IKBKB: variants seen among roughly 807,000 people sequenced by gnomAD.
IKBKB encodes inhibitor of nuclear factor kappa B kinase subunit beta.
In IKBKB, 42 loss-of-function variants were observed where a neutral mutation model predicts 113.6. That is an observed-to-expected ratio of 0.37 (90% CI 0.29 to 0.48). The LOEUF (loss-of-function observed/expected upper bound fraction) is 0.48, where lower values mean the gene tolerates loss of function less well. IKBKB is among the 20% of genes least tolerant of loss of function. IKBKB has a pLI of 0.99. For synonymous variants in IKBKB, 296 were observed against 361.3 expected, an observed-to-expected ratio of 0.82 and a Z score of 2.05; for missense variants, 673 against 939.7, an observed-to-expected ratio of 0.72 and a Z score of 3.71.
intron 2 of IKBKB, among the ~76,000 whole-genome samples, chr8:42,277,180 A>ATT (rs751878075): frequency 1.2e-4 from 10 of 84,904 alleles, no homozygotes; most frequent in East Asian, 3.3e-4. Context: ...CGTGTGGCTA[A>ATT]TTTTTTTTTT....
chr8:42,330,907 C>T lies in IKBKB; in HGVS notation c.2206-7C>T. The T allele has an allele frequency of 6.2e-7, 1 of 1,614,216 alleles. No individual in the cohort carries two copies. The stretch of plus-strand genomic sequence containing the variant: ...GTTGTTTTTTTAACATGTCTGTTGA[C>T]TTTCAGGCCCTAGACTGGAGCTGGT... On this transcript the variant is annotated splice_polypyrimidine_tract_variant and splice_region_variant and intron_variant, in intron 21 of 21. Coordinates refer to ENST00000520810, the MANE Select transcript of IKBKB (RefSeq NM_001556.3).
At chr8:42,320,653 C>T in intron 15 of IKBKB, 82 bp from the exon 16 acceptor site, 1 of 1,126,500 alleles carries the variant, frequency 8.9e-7, no homozygotes, top group African/African-American at 1.5e-5. Context: ...GTGGCGGGTC[C>T]CCTGGTCTCG....
rs527929314 is a variant in IKBKB, at chr8:42,314,213, G to A, written c.693-109G>A. On this transcript the variant is annotated intron_variant, in intron 8 of 21. Transcript: ENST00000520810. ...GTCTGTAGTAGGCTAAACCATCTAG[G>A]TTTGTGTTATGTTCACACAAGGACT... The A allele has an allele frequency of 5.0e-6, 4 of 807,008 alleles. No homozygotes were observed. The Admixed American group carries it at 7.0e-5, about 14-fold the overall frequency. The allele number at this position is 807,008 out of a possible 1,614,324, so 50.0% of individuals were successfully genotyped here. A position where few individuals can be genotyped will look rare whatever the true frequency, so the allele number is the denominator to read the frequency against.
intron 20 of IKBKB, among the ~76,000 whole-genome samples, chr8:42,327,262 G>A (rs1820915649): frequency 6.6e-6 from 1 of 151,780 alleles, no homozygotes. Context: ...GGGAGGCCAA[G>A]GCAGGAGGTT....
At chr8:42,282,295 G>A (rs1040060927) in intron 2 of IKBKB, among the ~76,000 whole-genome samples, 5 of 152,252 alleles carry the variant, frequency 3.3e-5, no homozygotes, top group East Asian at 1.9e-4. Flanking sequence ...CTTGACTTCC[G>A]AGGGTCAGGA....
At chr8:42,272,935 G>C (rs147199288) in intron 2 of IKBKB, among the ~76,000 whole-genome samples, 1 of 118,302 alleles carries the variant, frequency 8.5e-6, no homozygotes, top group African/African-American at 3.7e-5. Context: ...GTGAGACTCC[G>C]TCTCAAAAAA....
At chr8:42,300,246 C>G (rs1316019375) in intron 5 of IKBKB, among the ~76,000 whole-genome samples, 1 of 152,160 alleles carries the variant, frequency 6.6e-6, no homozygotes, top group African/African-American at 2.4e-5. Context: ...ATTGAAGTGG[C>G]TGGCACAGTA....
In IKBKB at chr8:42,276,147, T is replaced by C. The variant is rs6985788; in HGVS notation, c.105+3942T>C. ...TGAGCCACTGCGCTAGCCTTGTTTG[T>C]AGTTTCTCAAGGAACCTCCATACTA... is the stretch of plus-strand genomic sequence containing the variant. On this transcript the variant is annotated intron_variant, in intron 2 of 21. Coordinates refer to ENST00000520810, the MANE Select transcript of IKBKB (RefSeq NM_001556.3). Among the ~76,000 whole-genome samples the C allele has an allele frequency of 9.7e-3, 1,481 of 152,342 alleles. 36 individuals carry two copies. Among genetic ancestry groups the C allele is most frequent in the African/African-American group, 0.033 (1,368 of 41,588 alleles).
intron 12 of IKBKB, 33 bp from the exon 13 acceptor site, chr8:42,318,519 T>G (rs1452655752): frequency 6.2e-7 from 1 of 1,607,232 alleles, no homozygotes; most frequent in South Asian, 1.1e-5. Flanking sequence ...ATTGTGGTTA[T>G]TCTTTGACAA....
chr8:42,330,353 AATTT>A, intron 21 of IKBKB: 1 of 972,306 alleles, frequency 1.0e-6, no homozygotes, highest in Non-Finnish European at 1.2e-6. Flanking sequence ...GTATTTGTTT[AATTT>A]ATTTGTTTTA....
At chr8:42,297,137 G>C (rs780282751) in intron 5 of IKBKB, among the ~76,000 whole-genome samples, 21 of 152,172 alleles carry the variant, frequency 1.4e-4, no homozygotes, top group Non-Finnish European at 2.6e-4. Context: ...CCACCTTTTG[G>C]GTGCAGTGCA....
intron 8 of IKBKB, 151 bp from the exon 9 acceptor site, chr8:42,314,171 T>C: frequency 1.5e-6 from 1 of 665,350 alleles, no homozygotes; most frequent in Non-Finnish European, 2.8e-6. Flanking sequence ...AGCAATAGGG[T>C]GTACGATACA....
chr8:42,303,729 A>G (rs1483941553), intron 5 of IKBKB, among the ~76,000 whole-genome samples: 1 of 151,510 alleles, frequency 6.6e-6, no homozygotes, highest in Admixed American at 6.6e-5. Flanking sequence ...CTGGTCTTGA[A>G]CTCCTGACCT....
chr8:42,330,049 CA>C (rs1821485997), intron 21 of IKBKB: 1 of 985,382 alleles, frequency 1.0e-6, no homozygotes, highest in Non-Finnish European at 1.2e-6. Flanking sequence ...ATGTTTTGAT[CA>C]GTTCATTGCT....
chr8:42,301,955 A>G (rs1815305313), intron 5 of IKBKB, among the ~76,000 whole-genome samples: 1 of 152,154 alleles, frequency 6.6e-6, no homozygotes, highest in South Asian at 2.1e-4. Flanking sequence ...ACAGTATCTC[A>G]ACTTCCATAT....
At chr8:42,286,983 A>G (rs1177978508) in intron 2 of IKBKB, among the ~76,000 whole-genome samples, 3 of 152,144 alleles carry the variant, frequency 2.0e-5, no homozygotes, top group Non-Finnish European at 4.4e-5. Flanking sequence ...CAGCTTGTTT[A>G]GCAGTGGCAG....
At position 42,330,818 on chromosome 8, in the gene IKBKB, A is replaced by G. The variant is rs976076256; in HGVS notation, c.2206-96A>G. On this transcript the variant is annotated intron_variant, in intron 21 of 21. Coordinates refer to ENST00000520810, the MANE Select transcript of IKBKB (RefSeq NM_001556.3). ...CCACTGTGCCTGGCTGGGTTTTAGT[A>G]TATTTCTCAATTGTCCTGATTTCCT... is the stretch of plus-strand genomic sequence containing the variant. The G allele has an allele frequency of 5.0e-6, 8 of 1,595,350 alleles. No homozygotes were observed. The African/African-American group carries it at 8.1e-5, about 16-fold the overall frequency.
In IKBKB at chr8:42,316,355, A is replaced by G. The variant is rs1189670980; in HGVS notation, c.930+16A>G. ...AAACTTAAAGGTGAGTGTGGAGCCA[A>G]GTTAGCCCTGAGGCAAAAGCTGGGG... is the stretch of plus-strand genomic sequence containing the variant. On this transcript the variant is annotated intron_variant, in intron 10 of 21. Transcript: ENST00000520810. The surrounding 1 kb of genome is among the most constrained non-coding windows in gnomAD (Gnocchi z 4.5). The G allele has an allele frequency of 6.2e-7, 1 of 1,614,058 alleles. No homozygotes were observed. The highest frequency in any genetic ancestry group is 8.5e-7 in the Non-Finnish European group (1 of 1,179,936).
Position 42,271,408 on chromosome 8 carries a change from GC to G in IKBKB, c.-76del. 2 of 1,511,924 alleles carry G rather than the reference GC, an allele frequency of 1.3e-6. No individual in the cohort carries two copies. Among genetic ancestry groups the G allele is most frequent in the Non-Finnish European group, 1.8e-6 (2 of 1,128,748 alleles). The allele number at this position is 1,511,924 out of a possible 1,614,324, so 93.7% of individuals were successfully genotyped here. A position where few individuals can be genotyped will look rare whatever the true frequency, so the allele number is the denominator to read the frequency against. ...GGGTGTCATAGCCCCGGGTTTGGCC[GC>G]CCCAGCCCCGCCTTCCCCGCCCCGG... On this transcript the variant is annotated 5_prime_UTR_variant, in exon 1 of 22. An upstream open reading frame in the 5' UTR loses its in-frame stop. Coordinates refer to ENST00000520810, the MANE Select transcript of IKBKB (RefSeq NM_001556.3).
Sources: allele counts gnomAD v4.1 joint callset (sites outside exome capture counted in the v4.1 genomes callset), GRCh38; gene constraint gnomAD v4.1.1; non-coding constraint Gnocchi (gnomAD v3.1); transcripts MANE v1.5; gene names NCBI Gene and HGNC (gene_info 2026-07-23, HGNC 2026-07-21).